Variants in ADAMTSL1 observed in about 807,000 individuals in gnomAD.
ADAMTSL1 encodes the protein ADAMTS-like protein 1.
ADAMTSL1 carries 126 observed loss-of-function variants against 201.8 expected under a neutral mutation model. The ratio of observed to expected loss-of-function variants is 0.62; its 90% CI spans 0.54 to 0.72. ADAMTSL1 has a LOEUF of 0.72. ADAMTSL1 is among the 30% of genes least tolerant of loss of function. The probability of loss-of-function intolerance (pLI) is 0.00; values close to 1 mark genes in which losing one functional copy is unlikely to be tolerated. For missense variants in ADAMTSL1, 2,679 were observed against 2,277.8 expected, an observed-to-expected ratio of 1.18 and a Z score of -3.59; for synonymous variants, 1,121 against 903.4, an observed-to-expected ratio of 1.24 and a Z score of -4.32.
intron 1 of ADAMTSL1, among the ~76,000 whole-genome samples, chr9:18,037,264 A>G (rs1268700605): frequency 6.6e-6 from 1 of 152,168 alleles, no homozygotes; most frequent in African/African-American, 2.4e-5. Flanking sequence ...TGATCCTTGC[A>G]TGTCGTATAT....
chr9:18,351,369 T>A (rs1056144030), intron 2 of ADAMTSL1, among the ~76,000 whole-genome samples: 25 of 152,248 alleles, frequency 1.6e-4, no homozygotes, highest in African/African-American at 5.8e-4. Context: ...TTCTCAAAGT[T>A]TTAATGATTT....
At chr9:18,428,752 T>C (rs1401590715) in intron 2 of ADAMTSL1, among the ~76,000 whole-genome samples, 2 of 152,272 alleles carry the variant, frequency 1.3e-5, no homozygotes, top group African/African-American at 2.4e-5. Flanking sequence ...ATTTCTTTAA[T>C]GTGCATAAAT....
intron 2 of ADAMTSL1, among the ~76,000 whole-genome samples, chr9:18,321,088 C>A (rs772287067): frequency 6.6e-6 from 1 of 152,052 alleles, no homozygotes; most frequent in Non-Finnish European, 1.5e-5. Context: ...CATAAACCCA[C>A]AAGTAAGTTT....
At chr9:18,815,711 C>CAA (rs35926602) in intron 20 of ADAMTSL1, among the ~76,000 whole-genome samples, 1,224 of 67,022 alleles carry the variant, frequency 0.018, 3 homozygotes, top group Middle Eastern at 0.033. Flanking sequence ...AACCCTGTCT[C>CAA]AAAAAAAAAA....
chr9:18,901,748 G>T (rs185566995), intron 26 of ADAMTSL1, among the ~76,000 whole-genome samples: 6 of 152,224 alleles, frequency 3.9e-5, no homozygotes. Context: ...GGGAATTACA[G>T]GGGAAAGCTA....
chr9:17,964,472 CAACGCAAGGA>C (rs1289606937), intron 1 of ADAMTSL1, among the ~76,000 whole-genome samples: 1 of 152,082 alleles, frequency 6.6e-6, no homozygotes, highest in Non-Finnish European at 1.5e-5. Flanking sequence ...CAGGAGGGGG[CAACGCAAGGA>C]ATCCCTGCGT....
At chr9:18,262,227 A>G (rs184608811) in intron 2 of ADAMTSL1, among the ~76,000 whole-genome samples, 88 of 152,280 alleles carry the variant, frequency 5.8e-4, no homozygotes, top group Non-Finnish European at 2.4e-4. Context: ...CTGGTGGAGT[A>G]TACAGGAGCT....
chr9:18,835,512 T>A (rs1825259285), intron 23 of ADAMTSL1, among the ~76,000 whole-genome samples: 1 of 152,124 alleles, frequency 6.6e-6, no homozygotes, highest in South Asian at 2.1e-4. Flanking sequence ...TAAAATAATT[T>A]CAACTTTTAT....
chr9:18,103,882 T>G (rs1406338322), intron 1 of ADAMTSL1, among the ~76,000 whole-genome samples: 4 of 152,160 alleles, frequency 2.6e-5, no homozygotes, highest in Admixed American at 1.3e-4. Flanking sequence ...TCTGAGGAAT[T>G]GCTGCATGCT....
intron 1 of ADAMTSL1, among the ~76,000 whole-genome samples, chr9:18,093,678 A>C (rs1426689101): frequency 6.6e-6 from 1 of 152,212 alleles, no homozygotes; most frequent in Admixed American, 6.5e-5. Context: ...GGAACCAAGA[A>C]ATAGGCTCTC....
rs867372826 is a variant in ADAMTSL1, at chr9:18,070,928, G to A, written c.88-92934G>A. 8.7e-4 allele frequency among the ~76,000 whole-genome samples: 132 copies of A among 152,280 alleles called. 1 individual carries two copies. Among genetic ancestry groups the A allele is most frequent in the African/African-American group, 3.0e-3 (123 of 41,550 alleles). On this transcript the variant is annotated intron_variant, in intron 1 of 29. Coordinates refer to the ADAMTSL1 transcript ENST00000680146. ...GCAGCACTTGGCAGCCCAGGTCTAG[G>A]GGCAGAGAAGAAACATTGGGTGTTG...
intron 2 of ADAMTSL1, among the ~76,000 whole-genome samples, chr9:18,258,680 C>A (rs1831793629): frequency 6.6e-6 from 1 of 152,152 alleles, no homozygotes; most frequent in African/African-American, 2.4e-5. Flanking sequence ...TTCCCTGGCT[C>A]CTGGAGTCTT....
chr9:18,452,522 A>G (rs1405549417), intron 2 of ADAMTSL1, among the ~76,000 whole-genome samples: 1 of 152,230 alleles, frequency 6.6e-6, no homozygotes, highest in Non-Finnish European at 1.5e-5. Context: ...TCCAAAGTCT[A>G]ATCTAAATCA....
chr9:18,775,613 G>A, intron 17 of ADAMTSL1, 130 bp from the exon 18 acceptor site: 2 of 1,208,006 alleles, frequency 1.7e-6, no homozygotes, highest in Non-Finnish European at 2.3e-6. Context: ...CTCATAATTA[G>A]TATTTCTATC....
chr9:17,914,483 A>T (rs1826009633), intron 1 of ADAMTSL1, among the ~76,000 whole-genome samples: 1 of 152,208 alleles, frequency 6.6e-6, no homozygotes, highest in South Asian at 2.1e-4. Context: ...CCTTCATGCT[A>T]AAAACTCTCA....
chr9:17,985,115 A>C (rs1818869761), intron 1 of ADAMTSL1, among the ~76,000 whole-genome samples: 1 of 152,122 alleles, frequency 6.6e-6, no homozygotes, highest in Admixed American at 6.5e-5. Flanking sequence ...AATTGTATAA[A>C]AGATTGAGGC....
chr9:18,815,007 A>T (rs867096339), intron 20 of ADAMTSL1, among the ~76,000 whole-genome samples: 1 of 152,252 alleles, frequency 6.6e-6, no homozygotes, highest in Admixed American at 6.5e-5. Flanking sequence ...CCAAAATGTG[A>T]TATCACCTTA....
chr9:18,543,288 G>A (rs1355507120), intron 3 of ADAMTSL1, among the ~76,000 whole-genome samples: 2 of 152,004 alleles, frequency 1.3e-5, no homozygotes, highest in Admixed American at 6.6e-5. Context: ...AGAACAAAAG[G>A]ATGTTCTTTA....
intron 2 of ADAMTSL1, among the ~76,000 whole-genome samples, chr9:18,396,739 A>G (rs1443220403): frequency 2.0e-5 from 3 of 152,056 alleles, no homozygotes; most frequent in African/African-American, 7.2e-5. Flanking sequence ...TCAAGGTTTA[A>G]CCACTCACAT....
Sources: allele counts gnomAD v4.1 joint callset (sites outside exome capture counted in the v4.1 genomes callset), GRCh38; gene constraint gnomAD v4.1.1; transcripts MANE v1.5; gene names NCBI Gene and HGNC (gene_info 2026-07-23, HGNC 2026-07-21).